The following CACNA1I variants were observed in gnomAD, a reference collection of about 807,000 sequenced individuals.
CACNA1I encodes the protein voltage-dependent T-type calcium channel subunit alpha-1I.
A neutral mutation model predicts 201.6 loss-of-function variants in CACNA1I; 74 were observed. The ratio of observed to expected loss-of-function variants is 0.37; its 90% CI spans 0.30 to 0.45. The LOEUF (loss-of-function observed/expected upper bound fraction) is 0.45. CACNA1I is among the 20% of genes least tolerant of loss of function. The pLI is 1.00. For synonymous variants in CACNA1I, 1,431 were observed against 1,345.2 expected (o/e 1.06, Z -1.40); for missense variants, 2,346 against 3,138.1 (o/e 0.75, Z 6.03).
At position 39,670,832 on chromosome 22, in the gene CACNA1I, T is replaced by G; in HGVS notation, c.4417T>G (p.Tyr1473Asp). ...CCAGCGGCTGCCCTACTATGCCACC[T>G]ATTGTCACACCCGGCTGCTCATCCA... ...KAQRLPYYAT[Y>D]CHTRLLIHSM... The change falls in exon 26 of 37, where the codon TAT (tyrosine) becomes GAT (aspartate). Residue 1473 changes from tyrosine to aspartate, a missense_variant. By Grantham distance (160) the Tyr-to-Asp change is radical. Transcript: ENST00000402142. 1 of 1,613,868 alleles carries G rather than the reference T, an allele frequency of 6.2e-7. No homozygotes were observed.
intron 4 of CACNA1I, among the ~76,000 whole-genome samples, chr22:39,630,953 C>T (rs1444258510): frequency 2.6e-5 from 4 of 151,720 alleles, no homozygotes; most frequent in Non-Finnish European, 5.9e-5. Context: ...AGGCTGGTGC[C>T]GCAGGTTCAG....
chr22:39,649,813 G>T lies in CACNA1I; in HGVS notation c.1880G>T (p.Arg627Leu). The T allele has an allele frequency of 6.2e-7, 1 of 1,612,056 alleles. No homozygotes were observed. Among genetic ancestry groups the T allele is most frequent in the Non-Finnish European group, 8.5e-7 (1 of 1,179,334 alleles). Residue 627 changes from arginine (R) to leucine (L), a missense_variant, in exon 10 of 37, where the codon CGG becomes CTG. Arg to Leu is a moderately radical substitution (Grantham distance 102). Transcript: ENST00000402142. This position sits in a 1 kb window ranked among gnomAD's most constrained non-coding sequence, Gnocchi z 7.3. ...GAVWLCGDVW[R>L]ETRAKLRGIV... ...GTCTGGCTGTGCGGGGATGTGTGGC[G>T]GGAGACGCGAGCCAAGCTGCGCGGC...
Position 39,648,415 on chromosome 22 carries a change from C to A in CACNA1I, c.1567+489C>A, listed in dbSNP as rs1437152864. ...CCAGCCCCCTCTCCTGGCACTCTTG[C>A]CCCCTTGCCCCTGGGCCTCCCCTCT... is the stretch of plus-strand genomic sequence containing the variant. On this transcript the variant is annotated intron_variant, in intron 9 of 36. Coordinates refer to ENST00000402142, the MANE Select transcript of CACNA1I (RefSeq NM_021096.4). This position sits in a 1 kb window ranked among gnomAD's most constrained non-coding sequence, Gnocchi z 5.4. 6.6e-6 allele frequency among the ~76,000 whole-genome samples: 1 copy of A among 152,132 alleles called. No homozygotes were observed. Among genetic ancestry groups the A allele is most frequent in the Non-Finnish European group, 1.5e-5 (1 of 68,022 alleles).
intron 4 of CACNA1I, among the ~76,000 whole-genome samples, chr22:39,621,549 G>C (rs1164036043): frequency 1.3e-5 from 2 of 152,246 alleles, no homozygotes; most frequent in Non-Finnish European, 2.9e-5. Context: ...GTGACCAGGA[G>C]GGTGGCAGAG....
chr22:39,662,237 C>G lies in CACNA1I; in HGVS notation c.3174C>G (p.Ser1058=), dbSNP rs551261464. The change falls in exon 17 of 37, where the codon TCC becomes TCG. Residue 1058 remains serine, a synonymous_variant. Coordinates refer to ENST00000402142, the MANE Select transcript of CACNA1I (RefSeq NM_021096.4). ...HRHRHHRRTL[S]LDNRDSVDLA... ...ACCGCCACCACCGCCGGACGCTGTC[C>G]CTCGACAACAGGGACTCGGTGGACC... 407 of 1,529,180 alleles carry G rather than the reference C, an allele frequency of 2.7e-4. 3 individuals are homozygous for G. In the South Asian group the frequency reaches 4.8e-3, roughly 18 times the overall value. The allele number at this position is 1,529,180 out of a possible 1,614,324, so 94.7% of individuals were successfully genotyped here. A position where few individuals can be genotyped will look rare whatever the true frequency, so the allele number is the denominator to read the frequency against.
intron 4 of CACNA1I, among the ~76,000 whole-genome samples, chr22:39,620,104 CATCT>C (rs1370855585): frequency 7.2e-6 from 1 of 139,536 alleles, no homozygotes; most frequent in Non-Finnish European, 1.5e-5. Context: ...CCTGTCCATC[CATCT>C]ACCTGTCCAC....
intron 25 of CACNA1I, 126 bp from the exon 26 acceptor site, chr22:39,670,677 G>A (rs147618069): frequency 1.0e-4 from 88 of 862,272 alleles, no homozygotes; most frequent in Middle Eastern, 3.4e-4. Flanking sequence ...CCAGGGCCTG[G>A]GGTGGATCAA....
intron 1 of CACNA1I, among the ~76,000 whole-genome samples, chr22:39,585,939 G>C (rs922050476): frequency 3.3e-5 from 5 of 151,806 alleles, no homozygotes; most frequent in African/African-American, 1.2e-4. Context: ...CCAGCACTTT[G>C]GAGGCCGAGG....
In CACNA1I at chr22:39,658,915, C is replaced by A. The variant is rs1223905670; in HGVS notation, c.2145-16C>A. ...GCCTCCTACCTGTACCCTGGGCCTG[C>A]CCTGCGGGACCGCAGCATCTGGGAG... On this transcript the variant is annotated splice_polypyrimidine_tract_variant and intron_variant, in intron 11 of 36. Transcript: ENST00000402142. 6.4e-7 allele frequency: 1 copy of A among 1,574,586 alleles called. No homozygotes were observed. The highest frequency in any genetic ancestry group is 1.8e-5 in the Admixed American group (1 of 55,056).
intron 29 of CACNA1I, among the ~76,000 whole-genome samples, chr22:39,675,571 C>T (rs958795525): frequency 6.6e-6 from 1 of 152,232 alleles, no homozygotes; most frequent in Non-Finnish European, 1.5e-5. Flanking sequence ...TGAAATGGTG[C>T]TTACCCCTCA....
intron 11 of CACNA1I, 137 bp downstream of exon 11, chr22:39,658,440 A>G (rs1035051806): frequency 3.2e-5 from 26 of 807,786 alleles, no homozygotes; most frequent in Non-Finnish European, 4.9e-5. Flanking sequence ...ATAGTCAAAC[A>G]TTTGTGATTT....
At chr22:39,633,960 G>T (rs1045047393) in intron 4 of CACNA1I, among the ~76,000 whole-genome samples, 1 of 152,186 alleles carries the variant, frequency 6.6e-6, no homozygotes, top group Non-Finnish European at 1.5e-5. Context: ...GGGGAACAGT[G>T]ACTGTCTCAG....
At position 39,688,461 on chromosome 22, in the gene CACNA1I, G is replaced by C. The variant is rs1037097284; in HGVS notation, c.*2056G>C. 1.3e-5 allele frequency: 2 copies of C among 152,190 alleles called. No individual in the cohort carries two copies. The highest frequency in any genetic ancestry group is 2.9e-5 in the Non-Finnish European group (2 of 68,050). 9.4% of individuals were successfully genotyped at this position (152,190 alleles called of 1,614,324 possible). On this transcript the variant is annotated 3_prime_UTR_variant, in exon 37 of 37. Transcript: ENST00000402142. The surrounding 1 kb of genome is among the most constrained non-coding windows in gnomAD (Gnocchi z 4.8). ...GGCTTGACTGCTCCTGGCTGACCCT[G>C]AGCTCTCGCAGTTGGAGGGAAGCAG...
At chr22:39,679,031 C>A in intron 31 of CACNA1I, 76 bp from the exon 32 acceptor site, 2 of 1,193,714 alleles carry the variant, frequency 1.7e-6, no homozygotes, top group Non-Finnish European at 2.3e-6. Flanking sequence ...CCGAGCGTGG[C>A]CCTGGGCTGG....
rs116080239 is a variant in CACNA1I at position 39,597,960 on chromosome 22, T to G, written c.237-191T>G. Among the ~76,000 whole-genome samples the G allele has an allele frequency of 1.9e-3, 291 of 152,214 alleles. 4 individuals carry two copies. The highest frequency in any genetic ancestry group is 6.8e-3 in the African/African-American group (284 of 41,524). On this transcript the variant is annotated intron_variant, in intron 1 of 36. Transcript: ENST00000402142. Reference sequence around the variant, plus strand: ...CTGGTGGGTTTGGCGCATATGGCCATGTCTGTTGTGATGGGGGCAGACTGG... The same window carrying G: ...CTGGTGGGTTTGGCGCATATGGCCAGGTCTGTTGTGATGGGGGCAGACTGG...
At chr22:39,642,285 G>T (rs929605695) in intron 6 of CACNA1I, among the ~76,000 whole-genome samples, 1 of 152,156 alleles carries the variant, frequency 6.6e-6, no homozygotes, top group African/African-American at 2.4e-5. Flanking sequence ...AAGGACCCAG[G>T]GTTTGTCTTT....
intron 25 of CACNA1I, 113 bp from the exon 26 acceptor site, chr22:39,670,690 T>G (rs1811483955): frequency 5.0e-6 from 5 of 1,001,096 alleles, no homozygotes; most frequent in Non-Finnish European, 7.8e-6. Flanking sequence ...TGGATCAACA[T>G]CTTCCTCTTT....
At chr22:39,612,298 C>T (rs541754870) in intron 3 of CACNA1I, among the ~76,000 whole-genome samples, 4 of 152,280 alleles carry the variant, frequency 2.6e-5, no homozygotes, top group South Asian at 2.1e-4. Flanking sequence ...CCTCCAGAAT[C>T]GTAAACCAAA....
At chr22:39,654,163 C>T (rs752074489) in intron 10 of CACNA1I, among the ~76,000 whole-genome samples, 7 of 152,224 alleles carry the variant, frequency 4.6e-5, no homozygotes, top group Non-Finnish European at 1.0e-4. Flanking sequence ...AAGTAGATGG[C>T]TTGCCCAAGG....
Sources: allele counts gnomAD v4.1 joint callset (sites outside exome capture counted in the v4.1 genomes callset), GRCh38; gene constraint gnomAD v4.1.1; non-coding constraint Gnocchi (gnomAD v3.1); transcripts MANE v1.5; gene names NCBI Gene and HGNC (gene_info 2026-07-23, HGNC 2026-07-21).